The following C1orf185 variants were observed in gnomAD, a reference collection of about 807,000 sequenced individuals.
The protein encoded by C1orf185 is chromosome 1 open reading frame 185.
Under a neutral mutation model 16.1 loss-of-function variants are expected in C1orf185, and 13 were observed. The ratio of observed to expected loss-of-function variants is 0.81; its 90% CI spans 0.53 to 1.28. C1orf185 has a LOEUF of 1.28. C1orf185 is among the 50% of genes most tolerant of loss of function. The pLI is 0.00. For missense variants in C1orf185, 220 were observed against 225.2 expected, an observed-to-expected ratio of 0.98 and a Z score of 0.15; for synonymous variants, 80 against 76.9, an observed-to-expected ratio of 1.04 and a Z score of -0.21.
intron 1 of C1orf185, among the ~76,000 whole-genome samples, chr1:51,107,704 A>G (rs2148008793): frequency 6.6e-6 from 1 of 152,328 alleles, no homozygotes; most frequent in East Asian, 1.9e-4. Context: ...AGATCAAGAA[A>G]CAGAACATTA....
rs11414730 is a variant in C1orf185, at chr1:51,111,374, C to CTTTTTTTTTT, written c.17-1084_17-1075dup. 1.3e-3 allele frequency among the ~76,000 whole-genome samples: 178 copies of CTTTTTTTTTT among 133,876 alleles called. 6 individuals carry two copies. The highest frequency in any genetic ancestry group is 5.4e-3 in the African/African-American group (169 of 31,376). The allele number at this position is 133,876 out of a possible 152,430, so 87.8% of individuals were successfully genotyped here. ...TGCTTTCATTTAGCTTTCTTTCTTT[C>CTTTTTTTTTT]TTTTTTTTTTTTTTTGAGAGACAGG... On this transcript the variant is annotated intron_variant, in intron 1 of 4. Transcript: ENST00000371759.
intron 2 of C1orf185, among the ~76,000 whole-genome samples, chr1:51,115,865 G>A (rs1364637429): frequency 6.6e-6 from 1 of 152,148 alleles, no homozygotes; most frequent in Non-Finnish European, 1.5e-5. Context: ...GATAGGTTTT[G>A]CAGGTAGAGT....
At chr1:51,134,541 G>T (rs1557651010) in intron 3 of C1orf185, among the ~76,000 whole-genome samples, 1 of 151,208 alleles carries the variant, frequency 6.6e-6, no homozygotes, top group Non-Finnish European at 1.5e-5. Flanking sequence ...ACATTCAAAA[G>T]ATCAATGAAT....
chr1:51,139,304 T>C (rs1202462507), intron 3 of C1orf185, among the ~76,000 whole-genome samples: 1 of 152,076 alleles, frequency 6.6e-6, no homozygotes, highest in Admixed American at 6.6e-5. Flanking sequence ...GCTTTCACCA[T>C]GTTGGCCAAG....
intron 2 of C1orf185, among the ~76,000 whole-genome samples, chr1:51,115,333 G>A (rs577642789): frequency 2.4e-4 from 37 of 152,074 alleles, no homozygotes; most frequent in Non-Finnish European, 4.9e-4. Flanking sequence ...ACAAGACTCT[G>A]TCTCAAAATG....
chr1:51,120,186 C>T (rs1318599245), intron 3 of C1orf185, among the ~76,000 whole-genome samples: 2 of 152,172 alleles, frequency 1.3e-5, no homozygotes, highest in Middle Eastern at 3.4e-3. Flanking sequence ...TGGAAAAAGA[C>T]GCTGGGGATG....
chr1:51,124,820 T>G (rs1646227922), intron 3 of C1orf185, among the ~76,000 whole-genome samples: 2 of 152,230 alleles, frequency 1.3e-5, no homozygotes, highest in Admixed American at 1.3e-4. Context: ...CATCTGCTGG[T>G]TCCTATGGGT....
At chr1:51,123,976 A>G (rs1049541275) in intron 3 of C1orf185, among the ~76,000 whole-genome samples, 2 of 151,436 alleles carry the variant, frequency 1.3e-5, no homozygotes, top group Admixed American at 1.3e-4. Flanking sequence ...CATTATATAT[A>G]TATATAGAGA....
At chr1:51,143,208 C>T (rs999816896) in intron 3 of C1orf185, among the ~76,000 whole-genome samples, 3 of 152,156 alleles carry the variant, frequency 2.0e-5, no homozygotes, top group Non-Finnish European at 4.4e-5. Context: ...TGAAACCATA[C>T]GAATATCCTT....
intron 1 of C1orf185, among the ~76,000 whole-genome samples, chr1:51,108,021 G>T (rs991229019): frequency 6.6e-6 from 1 of 152,160 alleles, no homozygotes; most frequent in Admixed American, 6.5e-5. Context: ...GACTTGAATT[G>T]CTGGATCGTA....
rs1646225464 is a variant in C1orf185 at position 51,124,608 on chromosome 1, C to A, written c.258+5807C>A. Reference sequence around the variant, plus strand: ...ATCAACTGTGATTATACTCAGTAAACCCACATTCAATTACATGCAAATTAA... The same window carrying A: ...ATCAACTGTGATTATACTCAGTAAAACCACATTCAATTACATGCAAATTAA... On this transcript the variant is annotated intron_variant, in intron 3 of 4. Transcript: ENST00000371759. Among the ~76,000 whole-genome samples, 3 of 152,146 alleles carry A rather than the reference C, an allele frequency of 2.0e-5. No individual in the cohort carries two copies. In the South Asian group the frequency reaches 6.2e-4, roughly 32 times the overall value.
At chr1:51,110,036 A>G (rs1309790028) in intron 1 of C1orf185, among the ~76,000 whole-genome samples, 1 of 152,186 alleles carries the variant, frequency 6.6e-6, no homozygotes, top group Non-Finnish European at 1.5e-5. Flanking sequence ...AAATCTAAAG[A>G]TATTCACTGC....
At chr1:51,144,447 G>A (rs961982034) in intron 3 of C1orf185, among the ~76,000 whole-genome samples, 1 of 152,110 alleles carries the variant, frequency 6.6e-6, no homozygotes, top group African/African-American at 2.4e-5. Flanking sequence ...GTGCTGGTTG[G>A]GTGCCTGTAA....
intron 2 of C1orf185, among the ~76,000 whole-genome samples, chr1:51,113,389 T>G (rs893480382): frequency 2.5e-4 from 38 of 151,702 alleles, no homozygotes; most frequent in African/African-American, 8.0e-4. Context: ...AATATTAATA[T>G]TAAATCATTT....
At chr1:51,128,511 G>T (rs1646259001) in intron 3 of C1orf185, among the ~76,000 whole-genome samples, 1 of 152,030 alleles carries the variant, frequency 6.6e-6, no homozygotes, top group African/African-American at 2.4e-5. Context: ...GGCCAGTATG[G>T]CGAAATCCCA....
intron 3 of C1orf185, among the ~76,000 whole-genome samples, chr1:51,141,746 T>G (rs952722088): frequency 6.6e-6 from 1 of 152,220 alleles, no homozygotes; most frequent in African/African-American, 2.4e-5. Flanking sequence ...GTGTACATAC[T>G]AAGAATGAAG....
chr1:51,135,958 G>T (rs1646320708), intron 3 of C1orf185, among the ~76,000 whole-genome samples: 1 of 152,184 alleles, frequency 6.6e-6, no homozygotes, highest in South Asian at 2.1e-4. Context: ...CTTTGGCAAA[G>T]TCTCAGGATA....
intron 3 of C1orf185, among the ~76,000 whole-genome samples, chr1:51,143,633 T>G (rs1260774545): frequency 6.8e-6 from 1 of 146,450 alleles, no homozygotes; most frequent in Non-Finnish European, 1.5e-5. Context: ...CATTTAACTA[T>G]TTCCTTACTC....
intron 3 of C1orf185, among the ~76,000 whole-genome samples, chr1:51,142,671 A>G (rs1381758945): frequency 6.6e-6 from 1 of 152,184 alleles, no homozygotes; most frequent in Non-Finnish European, 1.5e-5. Flanking sequence ...TGTCTAATTT[A>G]TTAGTATAAA....
Sources: allele counts gnomAD v4.1 joint callset (sites outside exome capture counted in the v4.1 genomes callset), GRCh38; gene constraint gnomAD v4.1.1; transcripts MANE v1.5; gene names NCBI Gene and HGNC (gene_info 2026-07-23, HGNC 2026-07-21).